The following PTPN13 variants were observed in gnomAD, a reference collection of about 807,000 sequenced individuals.
PTPN13 encodes protein tyrosine phosphatase non-receptor type 13.
A neutral mutation model predicts 284.0 loss-of-function variants in PTPN13; 191 were observed. That is an observed-to-expected ratio of 0.67 (90% confidence interval 0.60 to 0.76). PTPN13 has a LOEUF of 0.76. Ranked by LOEUF, PTPN13 falls within the 30% of genes least tolerant of loss-of-function variation. The probability of loss-of-function intolerance (pLI) is 0.00; values close to 1 mark genes in which losing one functional copy is unlikely to be tolerated. For missense variants in PTPN13, 2,797 were observed against 2,939.9 expected, an observed-to-expected ratio of 0.95 and a Z score of 1.12; for synonymous variants, 986 against 1,022.3, an observed-to-expected ratio of 0.96 and a Z score of 0.68.
intron 2 of PTPN13, among the ~76,000 whole-genome samples, chr4:86,663,629 C>T (rs1726760017): frequency 1.3e-5 from 2 of 152,128 alleles, no homozygotes; most frequent in Admixed American, 1.3e-4. Flanking sequence ...TTCTGAACCC[C>T]ATCAGTGGAT....
Position 86,745,010 on chromosome 4 carries a change from T to C in PTPN13, c.2532T>C (p.His844=). 4 of 1,599,312 alleles carry C rather than the reference T, an allele frequency of 2.5e-6. No individual in the cohort carries two copies. Among genetic ancestry groups the C allele is most frequent in the Non-Finnish European group, 3.4e-6 (4 of 1,172,124 alleles). The change falls in exon 17 of 48, where the codon CAT becomes CAC. Residue 844 remains histidine (H), a synonymous_variant. Coordinates refer to ENST00000411767, the MANE Select transcript of PTPN13 (RefSeq NM_080683.3). ...TLQNTSDGIK[H]GFQTDNSKIC... is the part of the protein sequence containing the mutation. ...AAAATACATCAGATGGAATAAAACA[T>C]GGCTTCCAGACAGACAACAGTAAGA... is the stretch of plus-strand genomic sequence containing the variant.
At chr4:86,651,350 A>G (rs552323129) in intron 2 of PTPN13, among the ~76,000 whole-genome samples, 30 of 152,102 alleles carry the variant, frequency 2.0e-4, no homozygotes, top group Admixed American at 7.9e-4. Context: ...ATTTCTATTT[A>G]TCAGTAATAT....
chr4:86,713,382 G>C (rs1381836741), intron 7 of PTPN13, among the ~76,000 whole-genome samples: 1 of 151,958 alleles, frequency 6.6e-6, no homozygotes, highest in East Asian at 1.9e-4. Flanking sequence ...TGCATATAAT[G>C]TACTGTATTC....
Position 86,785,252 on chromosome 4 carries a change from A to G in PTPN13, c.6140A>G (p.Asp2047Gly), listed in dbSNP as rs747366146. The stretch of plus-strand genomic sequence containing the variant: ...CAAGAATCTTATATACAAGAAGATG[A>G]CATTTATGATGATTCCCAAGAAGCT... ...LPKESYIQED[D>G]IYDDSQEAEV... The change falls in exon 39 of 48, where the codon GAC becomes GGC. Residue 2047 changes from aspartate (D) to glycine (G), a missense_variant. Asp to Gly is a moderately conservative substitution (Grantham distance 94). Coordinates refer to ENST00000411767, the MANE Select transcript of PTPN13 (RefSeq NM_080683.3). 1.3e-6 allele frequency: 2 copies of G among 1,562,250 alleles called. No individual in the cohort carries two copies. The highest frequency in any genetic ancestry group is 1.8e-6 in the Non-Finnish European group (2 of 1,141,384).
intron 1 of PTPN13, among the ~76,000 whole-genome samples, chr4:86,608,324 C>T (rs913865643): frequency 6.6e-6 from 1 of 151,852 alleles, no homozygotes; most frequent in African/African-American, 2.4e-5. Context: ...ATATTTTGCC[C>T]GAAGATTTTT....
chr4:86,646,453 A>G (rs559495369), intron 2 of PTPN13, among the ~76,000 whole-genome samples: 61 of 151,972 alleles, frequency 4.0e-4, no homozygotes, highest in Non-Finnish European at 7.9e-4. Context: ...GTGTGCCACC[A>G]TACCGGGCTA....
chr4:86,736,076 T>C (rs183394259), intron 15 of PTPN13, among the ~76,000 whole-genome samples: 1 of 152,208 alleles, frequency 6.6e-6, no homozygotes, highest in East Asian at 1.9e-4. Context: ...GGTGAATGGC[T>C]TGATATGAGA....
intron 26 of PTPN13, 72 bp downstream of exon 26, chr4:86,765,560 G>T: frequency 1.9e-6 from 2 of 1,045,530 alleles, no homozygotes; most frequent in South Asian, 3.4e-5. Context: ...TTATAAAGTT[G>T]ATAACTGACC....
intron 38 of PTPN13, 107 bp from the exon 39 acceptor site, chr4:86,785,124 G>T: frequency 5.1e-6 from 4 of 778,700 alleles, no homozygotes; most frequent in Non-Finnish European, 7.7e-6. Context: ...TTTTAAAATT[G>T]GTTGCTTAAA....
At chr4:86,735,471 G>A in intron 14 of PTPN13, 123 bp from the exon 15 acceptor site, 1 of 992,144 alleles carries the variant, frequency 1.0e-6, no homozygotes. Flanking sequence ...TCATTCCTCA[G>A]AGAGAGAGGT....
intron 7 of PTPN13, among the ~76,000 whole-genome samples, chr4:86,715,785 G>A (rs537864172): frequency 1.5e-3 from 227 of 152,292 alleles, no homozygotes; most frequent in Middle Eastern, 3.4e-3. Context: ...CTGCAGAAAG[G>A]GGATTTAGGA....
At chr4:86,735,777 T>C in intron 15 of PTPN13, 31 bp downstream of exon 15, 2 of 1,583,710 alleles carry the variant, frequency 1.3e-6, no homozygotes, top group Non-Finnish European at 1.7e-6. Context: ...ATGATAAGCT[T>C]TGTATCTTTT....
Position 86,769,846 on chromosome 4 carries a change from C to T in PTPN13, c.4567C>T (p.Pro1523Ser), listed in dbSNP as rs1021425298. 7.4e-6 allele frequency: 12 copies of T among 1,613,524 alleles called. No individual in the cohort carries two copies. The highest frequency in any genetic ancestry group is 1.3e-5 in the African/African-American group (1 of 74,884). ...TTTTTCTCGAGAAGATAATCTTATA[C>T]CGGAGCAAATTAATGCCAGCATAGT... ...FSFSREDNLIPEQINASIVRV... is the reference protein window; with the variant it reads ...FSFSREDNLISEQINASIVRV... The change falls in exon 29 of 48, where the codon CCG becomes TCG. Residue 1523 changes from proline to serine, a missense_variant. By Grantham distance (74) the Pro-to-Ser change is moderately conservative. Transcript: ENST00000411767.
chr4:86,812,142 C>G (rs1455879679), intron 47 of PTPN13, among the ~76,000 whole-genome samples: 1 of 151,408 alleles, frequency 6.6e-6, no homozygotes, highest in Non-Finnish European at 1.5e-5. Context: ...AACCCCGTCT[C>G]TACTAAAAAT....
chr4:86,688,469 G>A (rs933626799), intron 4 of PTPN13, among the ~76,000 whole-genome samples: 12 of 151,082 alleles, frequency 7.9e-5, no homozygotes, highest in African/African-American at 2.4e-4. Context: ...TACAAAATAC[G>A]TTAACTAATA....
At position 86,750,530 on chromosome 4, in the gene PTPN13, G is replaced by A. The variant is rs772376914; in HGVS notation, c.2711G>A (p.Gly904Glu). 2 of 1,613,906 alleles carry A rather than the reference G, an allele frequency of 1.2e-6. No individual in the cohort carries two copies. Among genetic ancestry groups the A allele is most frequent in the Non-Finnish European group, 8.5e-7 (1 of 1,179,870 alleles). Residue 904 changes from glycine (G) to glutamate (E), a missense_variant, in exon 18 of 48, where the codon GGA becomes GAA. Physicochemically the swap from Gly to Glu is moderately conservative, Grantham distance 98. Transcript: ENST00000411767. ...QAESVRGFNM[G>E]RAISTGSLAS... ...GAGTCTGTTAGAGGATTTAATATGGGACGAGCAATCAGCACTGGCAGTCTG... is the reference window on the plus strand; with the variant it reads ...GAGTCTGTTAGAGGATTTAATATGGAACGAGCAATCAGCACTGGCAGTCTG...
intron 1 of PTPN13, among the ~76,000 whole-genome samples, chr4:86,625,364 A>G (rs1032293501): frequency 6.6e-6 from 1 of 151,712 alleles, no homozygotes; most frequent in Non-Finnish European, 1.5e-5. Context: ...TTCTTTATCT[A>G]CCTTCTTCTT....
chr4:86,644,302 T>G (rs1317389386), intron 2 of PTPN13, among the ~76,000 whole-genome samples: 1 of 152,058 alleles, frequency 6.6e-6, no homozygotes, highest in African/African-American at 2.4e-5. Context: ...CGGCCAAATT[T>G]TTTTTGTGTG....
At chr4:86,639,355 C>T (rs1723465768) in intron 2 of PTPN13, among the ~76,000 whole-genome samples, 1 of 152,142 alleles carries the variant, frequency 6.6e-6, no homozygotes, top group South Asian at 2.1e-4. Flanking sequence ...ATAAATCATG[C>T]TGCTATAAAG....
Sources: allele counts gnomAD v4.1 joint callset (sites outside exome capture counted in the v4.1 genomes callset), GRCh38; gene constraint gnomAD v4.1.1; transcripts MANE v1.5; gene names NCBI Gene and HGNC (gene_info 2026-07-23, HGNC 2026-07-21).